Variants in SVOP observed in about 807,000 individuals in gnomAD.
SVOP encodes synaptic vesicle 2-related protein.
A neutral mutation model predicts 69.1 loss-of-function variants in SVOP; 17 were observed. The ratio of observed to expected loss-of-function variants is 0.25; its 90% CI spans 0.17 to 0.37. The LOEUF (loss-of-function observed/expected upper bound fraction) is 0.37, where lower values mean the gene tolerates loss of function less well. Among genes scored for constraint, SVOP ranks in the 10% least tolerant of loss-of-function variants. The pLI is 1.00. For missense variants in SVOP, 435 were observed against 597.5 expected (o/e 0.73, Z 2.84); for synonymous variants, 238 against 238.6 (o/e 1.00, Z 0.02).
chr12:108,993,826 C>T (rs1419179080), intron 1 of SVOP, among the ~76,000 whole-genome samples: 12 of 152,086 alleles, frequency 7.9e-5, no homozygotes, highest in Admixed American at 7.9e-4. Flanking sequence ...AAGGTATTCA[C>T]AGAAGATGGA....
chr12:108,987,249 C>T (rs902496029), intron 1 of SVOP, among the ~76,000 whole-genome samples: 1 of 152,222 alleles, frequency 6.6e-6, no homozygotes, highest in Non-Finnish European at 1.5e-5. Flanking sequence ...CTTCAAGGCT[C>T]ATCCAATGTT....
At chr12:108,962,257 C>T (rs2040022159) in intron 5 of SVOP, among the ~76,000 whole-genome samples, 3 of 152,052 alleles carry the variant, frequency 2.0e-5, no homozygotes, top group African/African-American at 7.2e-5. Context: ...TGCCACCATG[C>T]CTGGCTAATT....
intron 15 of SVOP, 84 bp downstream of exon 15, chr12:108,915,698 TG>T: frequency 7.1e-7 from 1 of 1,399,660 alleles, no homozygotes. Context: ...CCGAGGGCTC[TG>T]GGGACAGTCG....
intron 1 of SVOP, among the ~76,000 whole-genome samples, chr12:109,017,399 C>A (rs2040372981): frequency 1.3e-5 from 2 of 151,642 alleles, no homozygotes; most frequent in African/African-American, 2.4e-5. Context: ...TTCCAAGAAA[C>A]CAGTCCCTGG....
chr12:108,958,832 G>GC (rs1360279158), intron 6 of SVOP, among the ~76,000 whole-genome samples: 5 of 151,954 alleles, frequency 3.3e-5, no homozygotes, highest in South Asian at 2.1e-4. Flanking sequence ...AAAAGGCCTA[G>GC]CCCCCCCGCC....
intron 6 of SVOP, among the ~76,000 whole-genome samples, chr12:108,947,093 A>G (rs556712592): frequency 5.3e-5 from 8 of 151,886 alleles, no homozygotes; most frequent in Admixed American, 3.3e-4. Context: ...GCTGATTCCT[A>G]TTGTCTTTTT....
chr12:108,924,794 T>G (rs905894992), intron 11 of SVOP, among the ~76,000 whole-genome samples: 1 of 152,212 alleles, frequency 6.6e-6, no homozygotes, highest in African/African-American at 2.4e-5. Flanking sequence ...AGATAACATC[T>G]TAACATATGT....
In SVOP at chr12:109,003,222, G is replaced by A. The variant is rs1406433300; in HGVS notation, c.35+17612C>T. Reference sequence around the variant, plus strand: ...TTCTTCTGGGGAGGAGAACTGGACGGGAATGGGAAGTTTTGAGGGAAGACA... The same window carrying A: ...TTCTTCTGGGGAGGAGAACTGGACGAGAATGGGAAGTTTTGAGGGAAGACA... On this transcript the variant is annotated intron_variant, in intron 1 of 15. Coordinates refer to ENST00000610966, the MANE Select transcript of SVOP (RefSeq NM_018711.5). Among the ~76,000 whole-genome samples, 4 of 152,108 alleles carry A rather than the reference G, an allele frequency of 2.6e-5. No individual in the cohort carries two copies. The East Asian group carries it at 5.8e-4, about 22-fold the overall frequency.
intron 10 of SVOP, chr12:108,936,986 C>G (rs2039860303): frequency 2.5e-6 from 1 of 403,564 alleles, no homozygotes; most frequent in Non-Finnish European, 4.6e-6. Context: ...TGCTTGAGTT[C>G]AGGAGTTCAA....
chr12:109,003,232 G>T (rs1276044925), intron 1 of SVOP, among the ~76,000 whole-genome samples: 1 of 152,188 alleles, frequency 6.6e-6, no homozygotes, highest in Non-Finnish European at 1.5e-5. Flanking sequence ...GGAATGGGAA[G>T]TTTTGAGGGA....
intron 1 of SVOP, among the ~76,000 whole-genome samples, chr12:108,997,024 G>T (rs1459046564): frequency 6.6e-6 from 1 of 152,218 alleles, no homozygotes; most frequent in African/African-American, 2.4e-5. Flanking sequence ...GAAGACGGGT[G>T]ATTTCTGCAT....
chr12:108,974,368 TA>T (rs1219011915), intron 4 of SVOP, among the ~76,000 whole-genome samples: 1 of 152,218 alleles, frequency 6.6e-6, no homozygotes, highest in Non-Finnish European at 1.5e-5. Flanking sequence ...TGTGTACTAC[TA>T]AAAATTATAA....
chr12:109,007,508 A>G (rs902055769), intron 1 of SVOP, among the ~76,000 whole-genome samples: 1 of 152,192 alleles, frequency 6.6e-6, no homozygotes, highest in Admixed American at 6.5e-5. Flanking sequence ...ATCTCAACTC[A>G]ATATAAAGAG....
intron 11 of SVOP, among the ~76,000 whole-genome samples, chr12:108,933,233 A>G (rs545829741): frequency 6.6e-6 from 1 of 152,204 alleles, no homozygotes; most frequent in Non-Finnish European, 1.5e-5. Flanking sequence ...TTTAACTAAC[A>G]TGCTATTTCT....
At chr12:108,985,307 A>G (rs2040160803) in intron 1 of SVOP, among the ~76,000 whole-genome samples, 1 of 131,900 alleles carries the variant, frequency 7.6e-6, no homozygotes, top group Non-Finnish European at 1.6e-5. Context: ...GAGAGAGAGA[A>G]AGAAATAAAA....
intron 2 of SVOP, among the ~76,000 whole-genome samples, chr12:108,980,106 G>T (rs939303685): frequency 2.0e-5 from 3 of 152,082 alleles, no homozygotes; most frequent in Non-Finnish European, 2.9e-5. Context: ...AGCCAGGAAG[G>T]TTTCAAGGTT....
intron 6 of SVOP, among the ~76,000 whole-genome samples, chr12:108,951,162 G>A (rs1593188106): frequency 6.6e-6 from 1 of 152,198 alleles, no homozygotes; most frequent in East Asian, 1.9e-4. Context: ...CCAATTTGAA[G>A]ATCATTCTGA....
chr12:109,013,768 A>C (rs2040354558), intron 1 of SVOP, among the ~76,000 whole-genome samples: 1 of 152,052 alleles, frequency 6.6e-6, no homozygotes, highest in Middle Eastern at 3.2e-3. Context: ...ACTACCATCC[A>C]TCTGCAGAAC....
rs1478546166 is a variant in SVOP at position 108,998,830 on chromosome 12, A to G, written c.36-15069T>C. 2.0e-5 allele frequency among the ~76,000 whole-genome samples: 3 copies of G among 151,982 alleles called. No homozygotes were observed. In the East Asian group the frequency reaches 5.8e-4, roughly 29 times the overall value. On this transcript the variant is annotated intron_variant, in intron 1 of 15. Coordinates refer to ENST00000610966, the MANE Select transcript of SVOP (RefSeq NM_018711.5). Reference sequence around the variant, plus strand: ...AAGGAAGCGCTAAACATGGAAAGGAACAACCGGTACCAGCCGTTGCAAAAT... The same window carrying G: ...AAGGAAGCGCTAAACATGGAAAGGAGCAACCGGTACCAGCCGTTGCAAAAT...
Sources: gnomAD v4.1 joint callset for allele counts (sites outside exome capture counted in the v4.1 genomes callset) on GRCh38, gnomAD v4.1.1 for gene constraint, MANE v1.5 for transcripts, NCBI Gene and HGNC (gene_info 2026-07-23, HGNC 2026-07-21) for gene names.